The following SESTD1 variants were observed in gnomAD, a reference collection of about 807,000 sequenced individuals.
SESTD1 encodes SEC14 and spectrin domain containing 1.
SESTD1 carries 43 observed loss-of-function variants against 101.7 expected under a neutral mutation model. That is an observed-to-expected ratio of 0.42 (90% CI 0.33 to 0.55). The LOEUF (loss-of-function observed/expected upper bound fraction) is 0.55, where lower values mean the gene tolerates loss of function less well. Among genes scored for constraint, SESTD1 ranks in the 20% least tolerant of loss-of-function variants. The pLI, the probability that SESTD1 is intolerant of heterozygous loss-of-function variation, is 0.07. For missense variants in SESTD1, 647 were observed against 815.1 expected, an observed-to-expected ratio of 0.79 and a Z score of 2.51; for synonymous variants, 283 against 286.8, an observed-to-expected ratio of 0.99 and a Z score of 0.13.
At position 179,108,591 on chromosome 2, in the gene SESTD1, G is replaced by A. The variant is rs1052826438; in HGVS notation, c.*1308C>T. On this transcript the variant is annotated 3_prime_UTR_variant, in exon 18 of 18. Transcript: ENST00000428443. ...GGCTGGAAAAACTAGCAGGTTAAAA[G>A]GGAGGGGTTTTTTTTTTGCATTGGA... The A allele has an allele frequency of 6.7e-6, 1 of 150,362 alleles. No individual in the cohort carries two copies. The highest frequency in any genetic ancestry group is 2.1e-4 in the South Asian group (1 of 4,678). 9.3% of individuals were successfully genotyped at this position (150,362 alleles called of 1,614,324 possible). A position where few individuals can be genotyped will look rare whatever the true frequency, so the allele number is the denominator to read the frequency against.
chr2:179,222,154 A>G (rs1240539776), intron 1 of SESTD1, among the ~76,000 whole-genome samples: 2 of 152,188 alleles, frequency 1.3e-5, no homozygotes, highest in African/African-American at 4.8e-5. Context: ...CTATCCCAAA[A>G]AAAGACTTCC....
In SESTD1 at chr2:179,132,635, C is replaced by T. The variant is rs143862577; in HGVS notation, c.850-209G>A. Among the ~76,000 whole-genome samples the T allele has an allele frequency of 4.4e-3, 663 of 152,326 alleles. 4 individuals carry two copies. The highest frequency in any genetic ancestry group is 0.015 in the African/African-American group (616 of 41,572). ...AAACTTAAATGTGGAAGAATGTACA[C>T]TGTAGCATCACAAGCTTTCAGCTAT... On this transcript the variant is annotated intron_variant, in intron 9 of 17. Transcript: ENST00000428443.
intron 2 of SESTD1, among the ~76,000 whole-genome samples, chr2:179,189,465 T>C (rs868730137): frequency 6.6e-6 from 1 of 152,164 alleles, no homozygotes; most frequent in East Asian, 1.9e-4. Context: ...GCCAACATTA[T>C]GCTGAACAGG....
At chr2:179,146,560 T>A in intron 7 of SESTD1, 103 bp from the exon 8 acceptor site, 1 of 907,046 alleles carries the variant, frequency 1.1e-6, no homozygotes, top group Non-Finnish European at 1.7e-6. Flanking sequence ...CACAAAAGTA[T>A]GAAAATCTGA....
chr2:179,151,402 G>A lies in SESTD1; in HGVS notation c.370-11C>T. On this transcript the variant is annotated splice_polypyrimidine_tract_variant and intron_variant, in intron 5 of 17. Coordinates refer to ENST00000428443, the MANE Select transcript of SESTD1 (RefSeq NM_178123.5). Reference sequence around the variant, plus strand: ...GGACACTAAAATAACCTATAAAAAGGTTAAAAGAAAAGAAACATTTAGTAA... The same window carrying A: ...GGACACTAAAATAACCTATAAAAAGATTAAAAGAAAAGAAACATTTAGTAA... 2 of 1,568,120 alleles carry A rather than the reference G, an allele frequency of 1.3e-6. No individual in the cohort carries two copies. Among genetic ancestry groups the A allele is most frequent in the Non-Finnish European group, 1.7e-6 (2 of 1,160,374 alleles).
chr2:179,160,012 G>A (rs1237608033), intron 5 of SESTD1, among the ~76,000 whole-genome samples: 2 of 152,004 alleles, frequency 1.3e-5, no homozygotes. Context: ...CCACCATCAC[G>A]CCCAACTAGT....
intron 5 of SESTD1, among the ~76,000 whole-genome samples, chr2:179,155,107 G>T (rs1360510259): frequency 1.3e-5 from 2 of 151,840 alleles, no homozygotes; most frequent in African/African-American, 2.4e-5. Flanking sequence ...GTAGAGACGA[G>T]GTTTTACCAT....
intron 5 of SESTD1, chr2:179,162,572 A>G (rs2053446021): frequency 6.9e-6 from 1 of 145,924 alleles, no homozygotes; most frequent in African/African-American, 2.8e-5. Flanking sequence ...ACAGGCAGAC[A>G]TTATTACTGA....
intron 1 of SESTD1, among the ~76,000 whole-genome samples, chr2:179,193,630 C>A (rs1004250219): frequency 5.9e-5 from 9 of 152,144 alleles, no homozygotes; most frequent in African/African-American, 1.9e-4. Flanking sequence ...TAAACGATTT[C>A]TTTTTATTAT....
At chr2:179,142,297 A>C (rs1050492095) in intron 9 of SESTD1, among the ~76,000 whole-genome samples, 1 of 152,234 alleles carries the variant, frequency 6.6e-6, no homozygotes, top group Non-Finnish European at 1.5e-5. Flanking sequence ...CCTCTAGAGT[A>C]GAGTCTAGTT....
intron 9 of SESTD1, among the ~76,000 whole-genome samples, chr2:179,133,787 T>C (rs1344707773): frequency 6.6e-6 from 1 of 152,144 alleles, no homozygotes; most frequent in Admixed American, 6.5e-5. Context: ...GATCTTTTTA[T>C]AATTATATAA....
intron 1 of SESTD1, among the ~76,000 whole-genome samples, chr2:179,194,406 C>T (rs995232885): frequency 2.6e-5 from 4 of 152,164 alleles, no homozygotes; most frequent in Non-Finnish European, 5.9e-5. Context: ...CAAATAAAAA[C>T]TAAGCTTTGG....
intron 3 of SESTD1, among the ~76,000 whole-genome samples, chr2:179,181,168 A>G (rs1460133132): frequency 6.6e-6 from 1 of 152,118 alleles, no homozygotes; most frequent in African/African-American, 2.4e-5. Flanking sequence ...AGTATAGGCT[A>G]TTTTGCCTTC....
At chr2:179,169,222 A>G (rs2045888872) in intron 5 of SESTD1, among the ~76,000 whole-genome samples, 1 of 152,218 alleles carries the variant, frequency 6.6e-6, no homozygotes, top group African/African-American at 2.4e-5. Context: ...CATTTTAAAT[A>G]TAAAGAAGTT....
intron 1 of SESTD1, among the ~76,000 whole-genome samples, chr2:179,253,637 G>A (rs1402757165): frequency 6.6e-6 from 1 of 152,140 alleles, no homozygotes; most frequent in Non-Finnish European, 1.5e-5. Flanking sequence ...TATAGGAATA[G>A]GTACTGAAGT....
chr2:179,142,848 T>C (rs183955438), intron 9 of SESTD1, among the ~76,000 whole-genome samples: 265 of 152,276 alleles, frequency 1.7e-3, no homozygotes, highest in South Asian at 0.016. Flanking sequence ...AACTTATTGA[T>C]AGTAAAAACC....
chr2:179,144,645 G>T (rs2045355577), intron 8 of SESTD1, among the ~76,000 whole-genome samples: 1 of 151,878 alleles, frequency 6.6e-6, no homozygotes, highest in African/African-American at 2.4e-5. Context: ...TCCTTATTTA[G>T]AATAATATCT....
At chr2:179,197,576 T>G (rs1205460347) in intron 1 of SESTD1, among the ~76,000 whole-genome samples, 10 of 152,118 alleles carry the variant, frequency 6.6e-5, no homozygotes, top group Non-Finnish European at 1.2e-4. Flanking sequence ...CGGGTTACCC[T>G]CAAAGGGAAG....
chr2:179,105,551 G>A lies in SESTD1; in HGVS notation c.*4348C>T, dbSNP rs1356796130. 1.3e-5 allele frequency: 2 copies of A among 152,006 alleles called. No homozygotes were observed. The highest frequency in any genetic ancestry group is 1.3e-4 in the Admixed American group (2 of 15,244). The allele number at this position is 152,006 out of a possible 1,614,324, so 9.4% of individuals were successfully genotyped here. A position where few individuals can be genotyped will look rare whatever the true frequency, so the allele number is the denominator to read the frequency against. On this transcript the variant is annotated 3_prime_UTR_variant, in exon 18 of 18. Coordinates refer to ENST00000428443, the MANE Select transcript of SESTD1 (RefSeq NM_178123.5). ...AGGGGTGGTGGAACTAAGGGGGTGG[G>A]GCGGCGAACATAGGCAATATGCCAT...
Sources: gnomAD v4.1 joint callset for allele counts (sites outside exome capture counted in the v4.1 genomes callset) on GRCh38, gnomAD v4.1.1 for gene constraint, MANE v1.5 for transcripts, NCBI Gene and HGNC (gene_info 2026-07-23, HGNC 2026-07-21) for gene names.